FAM83E: variants seen among roughly 807,000 people sequenced by gnomAD.
The protein encoded by FAM83E is protein FAM83E.
Under a neutral mutation model 34.3 loss-of-function variants are expected in FAM83E, and 29 were observed. The observed-to-expected ratio is 0.85, with a 90% confidence interval of 0.63 to 1.15. The LOEUF is 1.15. Ranked by LOEUF, FAM83E falls within the 50% of genes most tolerant of loss-of-function variation. The pLI, the probability that FAM83E is intolerant of heterozygous loss-of-function variation, is 0.00. For missense variants in FAM83E, 697 were observed against 685.0 expected (o/e 1.02, Z -0.20); for synonymous variants, 312 against 311.6 (o/e 1.00, Z -0.01).
intron 5 of FAM83E, among the ~76,000 whole-genome samples, chr19:48,606,039 G>T (rs1973922679): frequency 6.6e-6 from 1 of 151,804 alleles, no homozygotes; most frequent in Non-Finnish European, 1.5e-5. Flanking sequence ...GGCGTGGTGT[G>T]GTGGCTCACG....
Position 48,613,695 on chromosome 19 carries a change from A to C in FAM83E, c.-323T>G. 2 of 1,203,808 alleles carry C rather than the reference A, an allele frequency of 1.7e-6. No homozygotes were observed. The highest frequency in any genetic ancestry group is 2.1e-6 in the Non-Finnish European group (2 of 963,458). The allele number at this position is 1,203,808 out of a possible 1,614,324, so 74.6% of individuals were successfully genotyped here. ...CCAGCCGTCTCTGCTGGTCAGGTTG[A>C]CCTCCTGACACCATCCCCAACTGTG... On this transcript the variant is annotated 5_prime_UTR_variant, in exon 3 of 7. Transcript: ENST00000263266.
In FAM83E at chr19:48,600,899, C is replaced by T; in HGVS notation, c.*210G>A. On this transcript the variant is annotated 3_prime_UTR_variant, in exon 7 of 7. Transcript: ENST00000263266. ...AACTCCTGGCCTTAAGCAACCCTCCCACCTTAGCCTCCCAAAGTGCAGGGA... is the reference window on the plus strand; with the variant it reads ...AACTCCTGGCCTTAAGCAACCCTCCTACCTTAGCCTCCCAAAGTGCAGGGA... 2.7e-6 allele frequency: 3 copies of T among 1,110,068 alleles called. No homozygotes were observed. Among genetic ancestry groups the T allele is most frequent in the Non-Finnish European group, 1.2e-6 (1 of 841,558 alleles). 68.8% of individuals were successfully genotyped at this position (1,110,068 alleles called of 1,614,324 possible).
In FAM83E at chr19:48,614,042, C is replaced by G. The variant is rs1218283344; in HGVS notation, c.-670G>C. 1.0e-6 allele frequency: 1 copy of G among 985,564 alleles called. No individual in the cohort carries two copies. Among genetic ancestry groups the G allele is most frequent in the East Asian group, 1.1e-4 (1 of 8,838 alleles). The allele number at this position is 985,564 out of a possible 1,614,324, so 61.1% of individuals were successfully genotyped here. A position where few individuals can be genotyped will look rare whatever the true frequency, so the allele number is the denominator to read the frequency against. The stretch of plus-strand genomic sequence containing the variant: ...CTCTGGCCAAATCTGACAGCCCCCA[C>G]GAGTTTCTCCTGCTCATCAGCTCTC... On this transcript the variant is annotated 5_prime_UTR_variant, in exon 3 of 7. Coordinates refer to ENST00000263266, the MANE Select transcript of FAM83E (RefSeq NM_017708.4).
rs537286459 is a variant in FAM83E at position 48,600,276 on chromosome 19, G to C, written c.*833C>G. The stretch of plus-strand genomic sequence containing the variant: ...TCTTTAGGATCCGCTGCCTGGGGAC[G>C]CTGCCAGCCCATCTTCTGGGTTGTG... On this transcript the variant is annotated 3_prime_UTR_variant, in exon 7 of 7. Coordinates refer to ENST00000263266, the MANE Select transcript of FAM83E (RefSeq NM_017708.4). Among the ~76,000 whole-genome samples, 2 of 152,244 alleles carry C rather than the reference G, an allele frequency of 1.3e-5. No homozygotes were observed. Among genetic ancestry groups the C allele is most frequent in the African/African-American group, 4.8e-5 (2 of 41,464 alleles).
At chr19:48,608,393 A>C (rs1009857617) in intron 5 of FAM83E, among the ~76,000 whole-genome samples, 1 of 148,310 alleles carries the variant, frequency 6.7e-6, no homozygotes, top group African/African-American at 2.5e-5. Context: ...GACTACAGAC[A>C]TGAACCACCA....
chr19:48,607,959 A>G (rs1229217283), intron 5 of FAM83E, among the ~76,000 whole-genome samples: 1 of 152,006 alleles, frequency 6.6e-6, no homozygotes, highest in Non-Finnish European at 1.5e-5. Context: ...AAACATTTCA[A>G]ACATCCTGGT....
intron 5 of FAM83E, among the ~76,000 whole-genome samples, chr19:48,604,322 A>AT (rs913336534): frequency 0.032 from 3,096 of 97,868 alleles, 57 homozygotes; most frequent in Non-Finnish European, 0.039. Context: ...TGACCCTGGG[A>AT]TTTTTTTTTT....
rs1252960742 is a variant in FAM83E, at chr19:48,609,937, C to T, written c.697G>A (p.Gly233Ser). 3 of 1,613,052 alleles carry T rather than the reference C, an allele frequency of 1.9e-6. No homozygotes were observed. The highest frequency in any genetic ancestry group is 1.7e-6 in the Non-Finnish European group (2 of 1,179,986). ...FQSRWRRQVS[G>S]TVREKFVLLD... ...AGCACAAACTTCTCCCGCACGGTGC[C>T]GCTCACCTGCCGTCGCCAGCGGCTC... Residue 233 changes from glycine (G) to serine (S), a missense_variant, in exon 5 of 7, where the codon GGC (glycine) becomes AGC (serine). By Grantham distance (56) the Gly-to-Ser change is moderately conservative. Transcript: ENST00000263266.
At chr19:48,607,119 C>T (rs2147643645) in intron 5 of FAM83E, 1 of 1,613,118 alleles carries the variant, frequency 6.2e-7, no homozygotes, top group East Asian at 2.2e-5. Context: ...ACGAGGACTG[C>T]TTCACAGGCC....
At chr19:48,609,053 C>T (rs1205971193) in intron 5 of FAM83E, among the ~76,000 whole-genome samples, 1 of 151,968 alleles carries the variant, frequency 6.6e-6, no homozygotes, top group Non-Finnish European at 1.5e-5. Context: ...GGACCTGGTT[C>T]TAGAGGCTCT....
At chr19:48,607,612 A>G in intron 5 of FAM83E, 1 of 505,858 alleles carries the variant, frequency 2.0e-6, no homozygotes, top group Non-Finnish European at 3.6e-6. Context: ...AGCTTCTCAC[A>G]TCTCAATCAG....
At position 48,614,810 on chromosome 19, in the gene FAM83E, G is replaced by A. The variant is rs768933663; in HGVS notation, c.-1358C>T. The A allele has an allele frequency of 1.0e-5, 10 of 985,010 alleles. No homozygotes were observed. Among genetic ancestry groups the A allele is most frequent in the African/African-American group, 1.7e-5 (1 of 57,204 alleles). 61.0% of individuals were successfully genotyped at this position (985,010 alleles called of 1,614,324 possible). A position where few individuals can be genotyped will look rare whatever the true frequency, so the allele number is the denominator to read the frequency against. On this transcript the variant is annotated 5_prime_UTR_variant, in exon 2 of 7. Coordinates refer to ENST00000263266, the MANE Select transcript of FAM83E (RefSeq NM_017708.4). ...GGCTTCTACTTCTGCGGTGCTTCCCGGCTTCTGGCCTCACTCATCAGGCCT... is the reference window on the plus strand; with the variant it reads ...GGCTTCTACTTCTGCGGTGCTTCCCAGCTTCTGGCCTCACTCATCAGGCCT...
chr19:48,609,188 G>A (rs1277792444), intron 5 of FAM83E, among the ~76,000 whole-genome samples: 1 of 151,884 alleles, frequency 6.6e-6, no homozygotes, highest in Admixed American at 6.6e-5. Flanking sequence ...TGGTCCCAGA[G>A]GCCACACCCC....
rs551260091 is a variant in FAM83E at position 48,601,690 on chromosome 19, G to A, written c.1177-321C>T. On this transcript the variant is annotated intron_variant, in intron 6 of 6. Transcript: ENST00000263266. ...TGAGGCAGGAGAATCGCTTGAACCCGGAAGGGAGAGATTGCAGTGAGCTGA... is the reference window on the plus strand; with the variant it reads ...TGAGGCAGGAGAATCGCTTGAACCCAGAAGGGAGAGATTGCAGTGAGCTGA... 5.9e-5 allele frequency among the ~76,000 whole-genome samples: 9 copies of A among 151,890 alleles called. No individual in the cohort carries two copies. The East Asian group carries it at 1.2e-3, about 20-fold the overall frequency.
chr19:48,612,312 T>A (rs1182603382), intron 3 of FAM83E, among the ~76,000 whole-genome samples: 1 of 151,328 alleles, frequency 6.6e-6, no homozygotes, highest in African/African-American at 2.4e-5. Flanking sequence ...GATGGGGGAA[T>A]GACTGAGACT....
At position 48,603,672 on chromosome 19, in the gene FAM83E, G is replaced by A. The variant is rs1973874136; in HGVS notation, c.998C>T (p.Ala333Val). ...ASPPPPDGPL[A>V]HRLAACRVSP... ...GACGCGGCAGGCGGCCAGGCGGTGG[G>A]CCAGCGGGCCGTCAGGCGGCGGAGG... is the stretch of plus-strand genomic sequence containing the variant. The change falls in exon 6 of 7, where the codon GCC (alanine) becomes GTC (valine). Residue 333 changes from alanine to valine, a missense_variant. Transcript: ENST00000263266. The A allele has an allele frequency of 3.9e-6, 5 of 1,298,618 alleles. No individual in the cohort carries two copies. Among genetic ancestry groups the A allele is most frequent in the East Asian group, 3.1e-5 (1 of 31,918 alleles). 80.4% of individuals were successfully genotyped at this position (1,298,618 alleles called of 1,614,324 possible). A position where few individuals can be genotyped will look rare whatever the true frequency, so the allele number is the denominator to read the frequency against.
Position 48,603,689 on chromosome 19 carries a change from C to G in FAM83E, c.981G>C (p.Pro327=). Residue 327 remains proline, a synonymous_variant, in exon 6 of 7, where the codon CCG becomes CCC. Transcript: ENST00000263266. ...GGCGGTGGGCCAGCGGGCCGTCAGG[C>G]GGCGGAGGCGACGCGGGGGCCACGG... ...RRSVAPASPP[P]PDGPLAHRLA... 7.6e-7 allele frequency: 1 copy of G among 1,317,028 alleles called. No homozygotes were observed. The highest frequency in any genetic ancestry group is 9.7e-7 in the Non-Finnish European group (1 of 1,031,072). The allele number at this position is 1,317,028 out of a possible 1,614,324, so 81.6% of individuals were successfully genotyped here.
chr19:48,613,435 C>G lies in FAM83E; in HGVS notation c.-63G>C. Reference sequence around the variant, plus strand: ...TGGGTCCCCGGGGGTCTGGCTGTCTCTGGGGACTGTGATCATCTGGGGGTT... The same window carrying G: ...TGGGTCCCCGGGGGTCTGGCTGTCTGTGGGGACTGTGATCATCTGGGGGTT... On this transcript the variant is annotated 5_prime_UTR_variant, in exon 3 of 7. Transcript: ENST00000263266. The G allele has an allele frequency of 6.9e-7, 1 of 1,453,258 alleles. No individual in the cohort carries two copies. The highest frequency in any genetic ancestry group is 1.4e-5 in the African/African-American group (1 of 70,610). 90.0% of individuals were successfully genotyped at this position (1,453,258 alleles called of 1,614,324 possible).
Position 48,614,042 on chromosome 19 carries a change from C to T in FAM83E, c.-670G>A, listed in dbSNP as rs1218283344. 1.2e-5 allele frequency: 12 copies of T among 985,564 alleles called. No individual in the cohort carries two copies. The highest frequency in any genetic ancestry group is 3.5e-5 in the African/African-American group (2 of 57,228). The allele number at this position is 985,564 out of a possible 1,614,324, so 61.1% of individuals were successfully genotyped here. A position where few individuals can be genotyped will look rare whatever the true frequency, so the allele number is the denominator to read the frequency against. On this transcript the variant is annotated 5_prime_UTR_variant, in exon 3 of 7. In the 5' UTR this introduces an upstream ATG that the reference lacks. Coordinates refer to ENST00000263266, the MANE Select transcript of FAM83E (RefSeq NM_017708.4). Reference sequence around the variant, plus strand: ...CTCTGGCCAAATCTGACAGCCCCCACGAGTTTCTCCTGCTCATCAGCTCTC... The same window carrying T: ...CTCTGGCCAAATCTGACAGCCCCCATGAGTTTCTCCTGCTCATCAGCTCTC...
Sources: allele counts gnomAD v4.1 joint callset (sites outside exome capture counted in the v4.1 genomes callset), GRCh38; gene constraint gnomAD v4.1.1; transcripts MANE v1.5; gene names NCBI Gene and HGNC (gene_info 2026-07-23, HGNC 2026-07-21).